The following RCAN1 variants were observed in gnomAD, a reference collection of about 807,000 sequenced individuals.
RCAN1 encodes calcipressin-1.
A neutral mutation model predicts 22.9 loss-of-function variants in RCAN1; 11 were observed. That is an observed-to-expected ratio of 0.48 (90% CI 0.30 to 0.79). The LOEUF (loss-of-function observed/expected upper bound fraction) is 0.79. RCAN1 is among the 30% of genes least tolerant of loss of function. RCAN1 has a pLI of 0.06. For missense variants in RCAN1, 291 were observed against 337.8 expected (o/e 0.86, Z 1.09); for synonymous variants, 136 against 142.3 (o/e 0.96, Z 0.32).
chr21:34,598,880 G>A (rs1359990222), intron 1 of RCAN1, among the ~76,000 whole-genome samples: 1 of 152,288 alleles, frequency 6.6e-6, no homozygotes, highest in African/African-American at 2.4e-5. Context: ...AGCAACAACT[G>A]ACTAATAAGC....
At chr21:34,546,029 G>C (rs886289194) in intron 1 of RCAN1, among the ~76,000 whole-genome samples, 22 of 152,152 alleles carry the variant, frequency 1.4e-4, no homozygotes, top group African/African-American at 5.3e-4. Context: ...TCTGTGGGTT[G>C]AAAAACGCTC....
intron 1 of RCAN1, among the ~76,000 whole-genome samples, chr21:34,588,969 A>C (rs181919563): frequency 0.011 from 1,691 of 152,348 alleles, 15 homozygotes; most frequent in Non-Finnish European, 0.016. Flanking sequence ...TCAAATTCAT[A>C]GACACAGAAA....
intron 1 of RCAN1, among the ~76,000 whole-genome samples, chr21:34,600,028 C>A (rs374240727): frequency 6.6e-6 from 1 of 152,096 alleles, no homozygotes; most frequent in Non-Finnish European, 1.5e-5. Flanking sequence ...ACCTAAAGCA[C>A]GAGAACTGGC....
At chr21:34,589,389 T>C (rs920992236) in intron 1 of RCAN1, among the ~76,000 whole-genome samples, 19 of 152,330 alleles carry the variant, frequency 1.2e-4, no homozygotes, top group Middle Eastern at 3.4e-3. Flanking sequence ...CTTACTACTA[T>C]CTTTACAGGA....
At chr21:34,574,256 G>A (rs1474152623) in intron 1 of RCAN1, among the ~76,000 whole-genome samples, 1 of 152,216 alleles carries the variant, frequency 6.6e-6, no homozygotes, top group African/African-American at 2.4e-5. Context: ...ATAAGCCAAT[G>A]AGCTTTCCTA....
intron 1 of RCAN1, among the ~76,000 whole-genome samples, chr21:34,538,793 C>T (rs1200414779): frequency 6.6e-6 from 1 of 152,118 alleles, no homozygotes; most frequent in African/African-American, 2.4e-5. Flanking sequence ...TTGCTCTGCC[C>T]CAACAGGGCT....
chr21:34,530,710 T>C (rs944236610), intron 1 of RCAN1, among the ~76,000 whole-genome samples: 39 of 145,152 alleles, frequency 2.7e-4, no homozygotes, highest in African/African-American at 9.0e-4. Flanking sequence ...CTGCAACCTC[T>C]GCCTCCTGGG....
rs147660256 is a variant in RCAN1, at chr21:34,594,685, C to T, written c.252+20075G>A. 2.6e-5 allele frequency among the ~76,000 whole-genome samples: 4 copies of T among 152,312 alleles called. No individual in the cohort carries two copies. The East Asian group carries it at 7.7e-4, about 29-fold the overall frequency. On this transcript the variant is annotated intron_variant, in intron 1 of 3. Transcript: ENST00000313806. ...CACTGAATAAGGCACAGTCCAGGTG[C>T]TCAGAAATAACAATGACCAATGGGC...
chr21:34,577,722 T>C (rs961722887), intron 1 of RCAN1, among the ~76,000 whole-genome samples: 5 of 152,158 alleles, frequency 3.3e-5, no homozygotes, highest in Non-Finnish European at 5.9e-5. Context: ...GAGTGTTACA[T>C]GAAAGTGACT....
intron 1 of RCAN1, among the ~76,000 whole-genome samples, chr21:34,534,770 A>G (rs9976713): frequency 0.36 from 55,364 of 152,140 alleles, 11,188 homozygotes; most frequent in African/African-American, 0.55. Context: ...CAGGGGAAGC[A>G]CTGTGCTTGA....
At chr21:34,540,474 G>A (rs1568895831) in intron 1 of RCAN1, among the ~76,000 whole-genome samples, 3 of 152,082 alleles carry the variant, frequency 2.0e-5, no homozygotes, top group Admixed American at 2.0e-4. Context: ...GATCTCCCAC[G>A]TGACTTCTCG....
chr21:34,521,417 G>T, intron 3 of RCAN1, 82 bp downstream of exon 3: 1 of 1,606,308 alleles, frequency 6.2e-7, no homozygotes, highest in Non-Finnish European at 8.5e-7. Flanking sequence ...AGAGCTACGG[G>T]GGTAGTGGTG....
At chr21:34,544,464 C>G (rs1368863971) in intron 1 of RCAN1, among the ~76,000 whole-genome samples, 1 of 152,190 alleles carries the variant, frequency 6.6e-6, no homozygotes, top group Non-Finnish European at 1.5e-5. Context: ...CAGGAGAGAA[C>G]CGGTTCCAGC....
At chr21:34,559,360 T>G (rs550018642) in intron 1 of RCAN1, 233 of 152,316 alleles carry the variant, frequency 1.5e-3, no homozygotes, top group African/African-American at 5.2e-3. Context: ...TGAGTGCAAC[T>G]TCAAGTAGAG....
rs140967879 is a variant in RCAN1 at position 34,531,896 on chromosome 21, G to C, written c.253-8186C>G. Among the ~76,000 whole-genome samples, 823 of 152,008 alleles carry C rather than the reference G, an allele frequency of 5.4e-3. 7 individuals are homozygous for C. The highest frequency in any genetic ancestry group is 0.018 in the African/African-American group (756 of 41,420). On this transcript the variant is annotated intron_variant, in intron 1 of 3. Coordinates refer to ENST00000313806, the MANE Select transcript of RCAN1 (RefSeq NM_004414.7). ...TGTCGTTCTCCAGGAAGCCAACAAT[G>C]ACCCCCCGTGTTAAAAAAATATTAT...
intron 1 of RCAN1, among the ~76,000 whole-genome samples, chr21:34,595,972 G>A (rs551367485): frequency 9.8e-5 from 15 of 152,370 alleles, no homozygotes; most frequent in African/African-American, 3.6e-4. Context: ...TTCTGGCCGA[G>A]GAGCAGAGGG....
intron 1 of RCAN1, among the ~76,000 whole-genome samples, chr21:34,539,659 G>A (rs1985835014): frequency 6.6e-6 from 1 of 152,226 alleles, no homozygotes; most frequent in Non-Finnish European, 1.5e-5. Context: ...GTAAAGGTTA[G>A]TTGGAGAGAA....
intron 1 of RCAN1, among the ~76,000 whole-genome samples, chr21:34,571,178 A>G (rs915552510): frequency 6.6e-6 from 1 of 152,188 alleles, no homozygotes; most frequent in African/African-American, 2.4e-5. Context: ...CTATAATCCC[A>G]GCTACTCGAG....
At chr21:34,523,844 G>A (rs1811845141) in intron 1 of RCAN1, 134 bp from the exon 2 acceptor site, 5 of 650,856 alleles carry the variant, frequency 7.7e-6, no homozygotes. Context: ...GTGCAGTGGT[G>A]CAGTTTTGGC....
Sources: gnomAD v4.1 joint callset for allele counts (sites outside exome capture counted in the v4.1 genomes callset) on GRCh38, gnomAD v4.1.1 for gene constraint, MANE v1.5 for transcripts, NCBI Gene and HGNC (gene_info 2026-07-23, HGNC 2026-07-21) for gene names.